The following THRB variants were observed in gnomAD, a reference collection of about 807,000 sequenced individuals.
THRB encodes thyroid hormone receptor beta, also known as nuclear receptor subfamily 1 group A member 2.
THRB carries 12 observed loss-of-function variants against 47.8 expected under a neutral mutation model. The observed-to-expected ratio is 0.25, with a 90% CI of 0.16 to 0.41. The LOEUF is 0.41. Ranked by LOEUF, THRB falls within the 10% of genes least tolerant of loss-of-function variation. THRB has a pLI of 1.00. For missense variants in THRB, 348 were observed against 589.2 expected (o/e 0.59, Z 4.24); for synonymous variants, 218 against 212.2 (o/e 1.03, Z -0.24).
chr3:24,352,644 A>T (rs1047226977), intron 1 of THRB, among the ~76,000 whole-genome samples: 2 of 152,184 alleles, frequency 1.3e-5, no homozygotes, highest in African/African-American at 2.4e-5. Context: ...TCAAACCTAC[A>T]AACGCACAAT....
At chr3:24,326,685 T>C (rs1268380282) in intron 2 of THRB, among the ~76,000 whole-genome samples, 1 of 151,120 alleles carries the variant, frequency 6.6e-6, no homozygotes, top group Non-Finnish European at 1.5e-5. Context: ...CCTCTGTTAT[T>C]AAGCAAACTC....
intron 1 of THRB, among the ~76,000 whole-genome samples, chr3:24,418,246 T>TAA (rs60359598): frequency 5.3e-4 from 77 of 145,000 alleles, no homozygotes; most frequent in East Asian, 6.1e-4. Context: ...GTATAGGGAT[T>TAA]AAAAAAAAAA....
intron 4 of THRB, among the ~76,000 whole-genome samples, chr3:24,227,281 G>T (rs1412512725): frequency 6.6e-6 from 1 of 152,142 alleles, no homozygotes; most frequent in African/African-American, 2.4e-5. Context: ...GCTCACACCT[G>T]CGTGTGCCTG....
chr3:24,155,657 C>T (rs1246636374), intron 5 of THRB, among the ~76,000 whole-genome samples: 1 of 152,192 alleles, frequency 6.6e-6, no homozygotes, highest in Non-Finnish European at 1.5e-5. Context: ...GTGTCTCCAT[C>T]ATTTTCCTTT....
At chr3:24,159,547 T>C (rs181786309) in intron 5 of THRB, among the ~76,000 whole-genome samples, 2 of 152,310 alleles carry the variant, frequency 1.3e-5, no homozygotes, top group East Asian at 3.9e-4. Context: ...AAATATGATA[T>C]TTGGAAATGG....
chr3:24,270,190 G>A (rs963052345), intron 3 of THRB, among the ~76,000 whole-genome samples: 5 of 152,082 alleles, frequency 3.3e-5, no homozygotes, highest in Admixed American at 3.3e-4. Context: ...AATTGGTCTT[G>A]CTTCACATCT....
At chr3:24,381,644 C>G (rs921221160) in intron 1 of THRB, among the ~76,000 whole-genome samples, 1 of 152,140 alleles carries the variant, frequency 6.6e-6, no homozygotes, top group African/African-American at 2.4e-5. Context: ...ATGACCTTGT[C>G]TTTAAAAAAC....
intron 4 of THRB, among the ~76,000 whole-genome samples, chr3:24,191,641 C>T (rs1025748197): frequency 1.3e-5 from 2 of 152,170 alleles, no homozygotes; most frequent in African/African-American, 4.8e-5. Flanking sequence ...CTCTCGAAAG[C>T]TACCAGATGT....
At chr3:24,472,244 A>C (rs760322287) in intron 1 of THRB, among the ~76,000 whole-genome samples, 3 of 152,200 alleles carry the variant, frequency 2.0e-5, no homozygotes, top group Non-Finnish European at 4.4e-5. Flanking sequence ...GTGTCTATAC[A>C]TGCCAGGACA....
chr3:24,380,781 A>T (rs910908323), intron 1 of THRB, among the ~76,000 whole-genome samples: 1 of 152,188 alleles, frequency 6.6e-6, no homozygotes, highest in Non-Finnish European at 1.5e-5. Flanking sequence ...AGAAGACTGA[A>T]TCCAAAAGGC....
At chr3:24,169,257 G>A (rs2149332257) in intron 5 of THRB, among the ~76,000 whole-genome samples, 1 of 152,262 alleles carries the variant, frequency 6.6e-6, no homozygotes, top group South Asian at 2.1e-4. Flanking sequence ...AATAGAAGAA[G>A]TGTTGCAAGG....
In THRB at chr3:24,449,092, G is replaced by A. The variant is rs2072387971; in HGVS notation, c.-261+45560C>T. 2.0e-5 allele frequency among the ~76,000 whole-genome samples: 3 copies of A among 152,162 alleles called. No homozygotes were observed. The South Asian group carries it at 6.2e-4, about 32-fold the overall frequency. On this transcript the variant is annotated intron_variant, in intron 1 of 10. Transcript: ENST00000646209. Reference sequence around the variant, plus strand: ...GGGCAGCCATGTGGCTAGTTAGAGGGTGATTTAAAGTTGGCCAATGAAAGA... The same window carrying A: ...GGGCAGCCATGTGGCTAGTTAGAGGATGATTTAAAGTTGGCCAATGAAAGA...
intron 1 of THRB, among the ~76,000 whole-genome samples, chr3:24,449,826 T>A (rs2072468540): frequency 6.6e-6 from 1 of 152,122 alleles, no homozygotes; most frequent in African/African-American, 2.4e-5. Context: ...TAAGTTTGAG[T>A]GAATAATAGG....
intron 5 of THRB, among the ~76,000 whole-genome samples, chr3:24,175,372 T>C (rs561678357): frequency 6.6e-6 from 1 of 152,252 alleles, no homozygotes; most frequent in South Asian, 2.1e-4. Context: ...GGGATAACGA[T>C]CAAGGGTTTT....
At chr3:24,238,272 T>TGGGGGGGG (rs2049085833) in intron 3 of THRB, among the ~76,000 whole-genome samples, 1 of 8,952 alleles carries the variant, frequency 1.1e-4, no homozygotes, top group Non-Finnish European at 2.4e-4. Flanking sequence ...TATGTGTGTG[T>TGGGGGGGG]GTGTGTGGGG....
intron 5 of THRB, among the ~76,000 whole-genome samples, chr3:24,161,873 G>C (rs888064796): frequency 2.4e-5 from 3 of 123,748 alleles, no homozygotes; most frequent in African/African-American, 9.7e-5. Flanking sequence ...TTAAAAACAG[G>C]AAATTCTTAT....
At chr3:24,322,007 G>A (rs987047664) in intron 2 of THRB, among the ~76,000 whole-genome samples, 1 of 151,884 alleles carries the variant, frequency 6.6e-6, no homozygotes, top group African/African-American at 2.4e-5. Flanking sequence ...TTACAGATGT[G>A]AGTTGGATTT....
upstream of THRB, chr3:24,495,548 G>A (rs1170444397): frequency 2.6e-5 from 4 of 152,484 alleles, no homozygotes; most frequent in African/African-American, 4.8e-5. Flanking sequence ...CGGTGCTGTG[G>A]GTTTGGTGGC....
rs1270239344 is a variant in THRB, at chr3:24,283,521, C to A, written c.-43+13705G>T. Among the ~76,000 whole-genome samples, 4 of 151,022 alleles carry A rather than the reference C, an allele frequency of 2.6e-5. No individual in the cohort carries two copies. In the South Asian group the frequency reaches 6.3e-4, roughly 24 times the overall value. On this transcript the variant is annotated intron_variant, in intron 3 of 10. Transcript: ENST00000646209. Reference sequence around the variant, plus strand: ...TGGAAGCATTCCCTTTGAAAACTGGCACAAGACAGGGATGCCCTCTCTCAC... The same window carrying A: ...TGGAAGCATTCCCTTTGAAAACTGGAACAAGACAGGGATGCCCTCTCTCAC...
Sources: gnomAD v4.1 joint callset for allele counts (sites outside exome capture counted in the v4.1 genomes callset) on GRCh38, gnomAD v4.1.1 for gene constraint, MANE v1.5 for transcripts, NCBI Gene and HGNC (gene_info 2026-07-23, HGNC 2026-07-21) for gene names.